DLGAP1: variants seen among roughly 807,000 people sequenced by gnomAD.
DLGAP1 encodes disks large-associated protein 1.
In DLGAP1, 11 loss-of-function variants were observed where a neutral mutation model predicts 90.8. The ratio of observed to expected loss-of-function variants is 0.12; its 90% CI spans 0.08 to 0.20. DLGAP1 has a LOEUF of 0.20. Among genes scored for constraint, DLGAP1 ranks in the 10% least tolerant of loss-of-function variants. The pLI is 1.00. For synonymous variants in DLGAP1, 558 were observed against 540.7 expected, an observed-to-expected ratio of 1.03 and a Z score of -0.44; for missense variants, 1,050 against 1,333.8, an observed-to-expected ratio of 0.79 and a Z score of 3.31.
intron 8 of DLGAP1, among the ~76,000 whole-genome samples, chr18:3,579,817 A>G (rs1298874452): frequency 2.6e-5 from 4 of 152,144 alleles, no homozygotes; most frequent in Non-Finnish European, 5.9e-5. Flanking sequence ...TTAGGCTGAA[A>G]CTAGTGCACA....
At chr18:4,118,318 G>A (rs538835434) in intron 2 of DLGAP1, among the ~76,000 whole-genome samples, 1 of 152,204 alleles carries the variant, frequency 6.6e-6, no homozygotes, top group South Asian at 2.1e-4. Flanking sequence ...CAAGAGCTGG[G>A]GGTAGAACCC....
intron 1 of DLGAP1, among the ~76,000 whole-genome samples, chr18:4,262,842 G>A (rs2079029715): frequency 6.6e-6 from 1 of 152,070 alleles, no homozygotes; most frequent in Non-Finnish European, 1.5e-5. Context: ...TGAGAGAGGA[G>A]GATTAAATGA....
chr18:3,663,846 A>C (rs369973445), intron 7 of DLGAP1, among the ~76,000 whole-genome samples: 2 of 152,256 alleles, frequency 1.3e-5, no homozygotes, highest in Admixed American at 1.3e-4. Context: ...CATTATTTCG[A>C]GTGTGTGTGA....
intron 8 of DLGAP1, among the ~76,000 whole-genome samples, chr18:3,574,369 T>C (rs536307037): frequency 1.3e-5 from 2 of 152,344 alleles, no homozygotes; most frequent in Admixed American, 6.5e-5. Context: ...TTTTGTTAGG[T>C]CATAACTATG....
At chr18:3,743,636 G>T (rs375335577) in intron 5 of DLGAP1, among the ~76,000 whole-genome samples, 2 of 148,996 alleles carry the variant, frequency 1.3e-5, no homozygotes, top group East Asian at 4.1e-4. Flanking sequence ...TTACAGGCGT[G>T]AGCCACCGCG....
At chr18:4,027,007 T>C (rs999080738) in intron 2 of DLGAP1, among the ~76,000 whole-genome samples, 1 of 152,042 alleles carries the variant, frequency 6.6e-6, no homozygotes, top group Non-Finnish European at 1.5e-5. Context: ...ACAGGCTCCT[T>C]ACATCCTGGA....
chr18:3,759,654 GC>G (rs1364658712), intron 5 of DLGAP1, among the ~76,000 whole-genome samples: 1 of 152,182 alleles, frequency 6.6e-6, no homozygotes, highest in Non-Finnish European at 1.5e-5. Context: ...TGTGATTCCT[GC>G]CCCTGGGAAT....
intron 3 of DLGAP1, chr18:3,995,223 C>G (rs2074044746): frequency 6.6e-6 from 1 of 151,642 alleles, no homozygotes; most frequent in African/African-American, 2.4e-5. Context: ...TTAGAATTCA[C>G]TGAGCTGAAA....
rs1599749916 is a variant in DLGAP1 at position 3,656,374 on chromosome 18, C to G, written c.1591+72761G>C. ...GGATCAAACATGTTTTTGGATGGGA[C>G]AAAGGCCAAGTCTGCCTGAGTGACT... On this transcript the variant is annotated intron_variant, in intron 7 of 12. Transcript: ENST00000315677. The G allele has an allele frequency of 6.7e-6, 3 of 449,382 alleles. No homozygotes were observed. The East Asian group carries it at 1.1e-4, about 17-fold the overall frequency. 27.8% of individuals were successfully genotyped at this position (449,382 alleles called of 1,614,324 possible). A position where few individuals can be genotyped will look rare whatever the true frequency, so the allele number is the denominator to read the frequency against.
chr18:3,895,810 T>C (rs927710545), intron 3 of DLGAP1: 1 of 152,204 alleles, frequency 6.6e-6, no homozygotes. Context: ...TTTGTCCTTC[T>C]TCAACCTCCT....
chr18:3,772,396 CTT>C (rs767254588), intron 5 of DLGAP1, among the ~76,000 whole-genome samples: 1 of 45,678 alleles, frequency 2.2e-5, no homozygotes. Flanking sequence ...TTCTTTCTTT[CTT>C]TCTTTCTTTC....
intron 9 of DLGAP1, among the ~76,000 whole-genome samples, chr18:3,550,734 C>CTTTTTTTTTTTTTT (rs1165404588): frequency 1.2e-5 from 1 of 85,204 alleles, no homozygotes; most frequent in East Asian, 4.1e-4. Flanking sequence ...GAACCAGACC[C>CTTTTTTTTTTTTTT]TTTTTTTTTT....
At chr18:4,290,615 A>G (rs76039215) in intron 1 of DLGAP1, among the ~76,000 whole-genome samples, 6,699 of 152,266 alleles carry the variant, frequency 0.044, 512 homozygotes, top group African/African-American at 0.15. Flanking sequence ...GTCTAGAACT[A>G]TTTTCAGTTT....
intron 10 of DLGAP1, among the ~76,000 whole-genome samples, chr18:3,524,396 G>A (rs548214509): frequency 1.7e-4 from 26 of 152,204 alleles, no homozygotes; most frequent in African/African-American, 6.3e-4. Context: ...ATGGACTGGA[G>A]GACCTTATGC....
At chr18:3,551,640 C>CTT (rs2053441045) in intron 9 of DLGAP1, among the ~76,000 whole-genome samples, 2 of 27,506 alleles carry the variant, frequency 7.3e-5, no homozygotes, top group Admixed American at 4.9e-4. Flanking sequence ...TCTTTCCTTC[C>CTT]TTTCTCTCTC....
chr18:3,741,124 CCACCACCACCA>C (rs2062956085), intron 6 of DLGAP1, among the ~76,000 whole-genome samples: 1 of 109,022 alleles, frequency 9.2e-6, no homozygotes, highest in African/African-American at 3.5e-5. Context: ...ACCACCATCA[CCACCACCACCA>C]CATCACCATC....
chr18:3,967,800 C>T lies in DLGAP1; in HGVS notation c.-73+37316G>A, dbSNP rs182367838. On this transcript the variant is annotated intron_variant, in intron 3 of 12. Coordinates refer to ENST00000315677, the MANE Select transcript of DLGAP1 (RefSeq NM_004746.4). ...AAAAATTCGAGTTTATGTATTTCCA[C>T]AACTAAGTATAACTGTTAAGGGCTT... 7.0e-4 allele frequency among the ~76,000 whole-genome samples: 107 copies of T among 152,168 alleles called. 3 individuals carry two copies. The highest frequency in any genetic ancestry group is 6.8e-3 in the Middle Eastern group (2 of 294).
intron 5 of DLGAP1, among the ~76,000 whole-genome samples, chr18:3,801,277 T>C (rs1165502236): frequency 6.6e-6 from 1 of 152,176 alleles, no homozygotes; most frequent in Non-Finnish European, 1.5e-5. Flanking sequence ...ACCCAAACTA[T>C]ACCACCTGTC....
intron 2 of DLGAP1, among the ~76,000 whole-genome samples, chr18:4,058,122 C>T (rs1347643501): frequency 6.6e-6 from 1 of 152,106 alleles, no homozygotes; most frequent in Non-Finnish European, 1.5e-5. Flanking sequence ...TCTGCTTTTT[C>T]AACTAAAATC....
Sources: gnomAD v4.1 joint callset for allele counts (sites outside exome capture counted in the v4.1 genomes callset) on GRCh38, gnomAD v4.1.1 for gene constraint, MANE v1.5 for transcripts, NCBI Gene and HGNC (gene_info 2026-07-23, HGNC 2026-07-21) for gene names.